Variants in DTWD2 observed in about 807,000 individuals in gnomAD.
DTWD2 encodes tRNA-uridine aminocarboxypropyltransferase 2.
Under a neutral mutation model 31.8 loss-of-function variants are expected in DTWD2, and 39 were observed. The ratio of observed to expected loss-of-function variants is 1.22; its 90% CI spans 0.95 to 1.60. The LOEUF (loss-of-function observed/expected upper bound fraction) is 1.60. DTWD2 is among the 40% of genes most tolerant of loss of function. The pLI, the probability that DTWD2 is intolerant of heterozygous loss-of-function variation, is 0.00. For missense variants in DTWD2, 515 were observed against 381.5 expected, an observed-to-expected ratio of 1.35 and a Z score of -2.92; for synonymous variants, 180 against 142.8, an observed-to-expected ratio of 1.26 and a Z score of -1.86.
At chr5:118,970,352 G>A (rs556585332) in intron 1 of DTWD2, among the ~76,000 whole-genome samples, 9 of 152,302 alleles carry the variant, frequency 5.9e-5, no homozygotes, top group Admixed American at 3.9e-4. Context: ...ACTTGAACCC[G>A]GGAGGTGGAG....
intron 1 of DTWD2, among the ~76,000 whole-genome samples, chr5:118,965,274 CCCCCGCCCGGCCAGCCT>C (rs951685979): frequency 1.3e-5 from 2 of 151,064 alleles, no homozygotes; most frequent in African/African-American, 4.9e-5. Context: ...TGGGGGGCAG[CCCCCGCCCGGCCAGCCT>C]CCCCGTCCGG....
intron 4 of DTWD2, among the ~76,000 whole-genome samples, chr5:118,926,899 G>A (rs1208178003): frequency 1.3e-5 from 2 of 152,114 alleles, no homozygotes; most frequent in African/African-American, 4.8e-5. Context: ...AAGAAATTTA[G>A]TACTTGTTTT....
intron 4 of DTWD2, among the ~76,000 whole-genome samples, chr5:118,906,419 G>T (rs1248782994): frequency 1.3e-5 from 2 of 152,270 alleles, no homozygotes; most frequent in African/African-American, 4.8e-5. Flanking sequence ...CATTTCATTT[G>T]TAACAGCCAA....
chr5:118,894,929 C>T (rs1753049498), intron 4 of DTWD2, among the ~76,000 whole-genome samples: 1 of 152,060 alleles, frequency 6.6e-6, no homozygotes, highest in Non-Finnish European at 1.5e-5. Context: ...AACTGAAAGC[C>T]TTTCCAGTAA....
At chr5:118,986,891 C>A (rs953573051) in intron 1 of DTWD2, among the ~76,000 whole-genome samples, 2 of 151,628 alleles carry the variant, frequency 1.3e-5, no homozygotes, top group South Asian at 2.1e-4. Context: ...CAAATTTCAC[C>A]AGAAATAAGC....
At chr5:118,885,532 G>A (rs377159331) in intron 4 of DTWD2, among the ~76,000 whole-genome samples, 5 of 150,420 alleles carry the variant, frequency 3.3e-5, no homozygotes, top group Non-Finnish European at 4.4e-5. Flanking sequence ...TTGGGAGGCC[G>A]AGGTGGGCGG....
At chr5:118,847,915 A>C (rs1751896817) in intron 5 of DTWD2, among the ~76,000 whole-genome samples, 175 bp downstream of exon 5, 1 of 66,484 alleles carries the variant, frequency 1.5e-5, no homozygotes, top group Non-Finnish European at 2.6e-5. Flanking sequence ...GGAATGCTAA[A>C]CACACACACA....
intron 4 of DTWD2, among the ~76,000 whole-genome samples, chr5:118,921,794 C>T (rs1409930986): frequency 1.3e-5 from 2 of 152,150 alleles, no homozygotes; most frequent in South Asian, 2.1e-4. Flanking sequence ...TGTAAACCAA[C>T]TCTGAATGCT....
At chr5:118,880,442 T>A (rs533181512) in intron 4 of DTWD2, among the ~76,000 whole-genome samples, 64 of 152,324 alleles carry the variant, frequency 4.2e-4, no homozygotes, top group African/African-American at 1.5e-3. Flanking sequence ...TTTGTTTTGT[T>A]TTTTCATTAG....
chr5:118,919,143 G>T (rs1446368309), intron 4 of DTWD2, among the ~76,000 whole-genome samples: 3 of 152,204 alleles, frequency 2.0e-5, no homozygotes, highest in Admixed American at 6.5e-5. Flanking sequence ...ATTGCTCACA[G>T]AGCATCTTAT....
At chr5:118,961,005 T>C (rs1009051917) in intron 1 of DTWD2, among the ~76,000 whole-genome samples, 1 of 151,884 alleles carries the variant, frequency 6.6e-6, no homozygotes, top group Non-Finnish European at 1.5e-5. Context: ...CAAAATAATA[T>C]GTACATAAAA....
intron 4 of DTWD2, among the ~76,000 whole-genome samples, chr5:118,877,868 CA>C (rs1445806195): frequency 8.5e-5 from 13 of 152,060 alleles, no homozygotes; most frequent in Non-Finnish European, 2.9e-5. Context: ...AATAAATATG[CA>C]AAAATCACTA....
chr5:118,893,744 T>C (rs902581000), intron 4 of DTWD2, among the ~76,000 whole-genome samples: 1 of 151,936 alleles, frequency 6.6e-6, no homozygotes, highest in African/African-American at 2.4e-5. Context: ...CAACCCACCA[T>C]TGCTGGCTTT....
At chr5:118,961,128 C>A (rs1445134189) in intron 1 of DTWD2, among the ~76,000 whole-genome samples, 1 of 151,896 alleles carries the variant, frequency 6.6e-6, no homozygotes, top group Non-Finnish European at 1.5e-5. Context: ...TTAAGAGAGG[C>A]CAGATGCCTA....
chr5:118,949,163 G>A (rs561781424), intron 1 of DTWD2, among the ~76,000 whole-genome samples: 3 of 152,276 alleles, frequency 2.0e-5, no homozygotes, highest in Admixed American at 6.5e-5. Context: ...AAAGTAGAAG[G>A]TTGTCAAAAT....
intron 4 of DTWD2, among the ~76,000 whole-genome samples, chr5:118,882,312 G>A (rs1017512413): frequency 6.6e-6 from 1 of 152,238 alleles, no homozygotes; most frequent in African/African-American, 2.4e-5. Flanking sequence ...CTCAGCCCCT[G>A]TGGCTCTGCA....
intron 4 of DTWD2, among the ~76,000 whole-genome samples, chr5:118,892,621 T>C (rs976071320): frequency 1.3e-5 from 2 of 152,092 alleles, no homozygotes; most frequent in African/African-American, 4.8e-5. Flanking sequence ...TTCTCACCTG[T>C]CCAATCGACA....
rs78160279 is a variant in DTWD2, at chr5:118,858,743, T to C, written c.598-10525A>G. 6.4e-3 allele frequency among the ~76,000 whole-genome samples: 976 copies of C among 152,258 alleles called. 19 individuals carry two copies. The highest frequency in any genetic ancestry group is 0.022 in the African/African-American group (925 of 41,554). On this transcript the variant is annotated intron_variant, in intron 4 of 5. Coordinates refer to ENST00000510708, the MANE Select transcript of DTWD2 (RefSeq NM_173666.4). The stretch of plus-strand genomic sequence containing the variant: ...CATAGGTGATTACTATTTAAAATCA[T>C]TACCACACTTTTATTACACCTAACA...
chr5:118,859,295 A>G (rs1256430376), intron 4 of DTWD2, among the ~76,000 whole-genome samples: 1 of 152,140 alleles, frequency 6.6e-6, no homozygotes, highest in African/African-American at 2.4e-5. Context: ...AAAGAATCAC[A>G]TATTCATTAT....
Sources: allele counts gnomAD v4.1 joint callset (sites outside exome capture counted in the v4.1 genomes callset), GRCh38; gene constraint gnomAD v4.1.1; transcripts MANE v1.5; gene names NCBI Gene and HGNC (gene_info 2026-07-23, HGNC 2026-07-21).